The following PDE4B variants were observed in gnomAD, a reference collection of about 807,000 sequenced individuals.
PDE4B encodes the protein phosphodiesterase 4B.
A neutral mutation model predicts 82.2 loss-of-function variants in PDE4B; 20 were observed. The observed-to-expected ratio is 0.24, with a 90% CI of 0.17 to 0.35. PDE4B has a LOEUF of 0.35. Among genes scored for constraint, PDE4B ranks in the 10% least tolerant of loss-of-function variants. The pLI is 1.00. For synonymous variants in PDE4B, 320 were observed against 318.9 expected, an observed-to-expected ratio of 1.00 and a Z score of -0.04; for missense variants, 655 against 907.2, an observed-to-expected ratio of 0.72 and a Z score of 3.57.
Position 66,041,819 on chromosome 1 carries a change from C to CACACACAT in PDE4B, c.281+122991_281+122992insTACACACA, listed in dbSNP as rs1553136749. 9.6e-3 allele frequency among the ~76,000 whole-genome samples: 856 copies of CACACACAT among 88,932 alleles called. 9 individuals carry two copies. The highest frequency in any genetic ancestry group is 0.033 in the African/African-American group (802 of 24,026). 58.3% of individuals were successfully genotyped at this position (88,932 alleles called of 152,430 possible). On this transcript the variant is annotated intron_variant, in intron 3 of 16. Coordinates refer to ENST00000341517, the MANE Select transcript of PDE4B (RefSeq NM_002600.4). ...TGAAATACACACACACACACACACA[C>CACACACAT]ACACACACATACACACACACACACA...
chr1:65,813,055 G>C (rs964565416), intron 1 of PDE4B, among the ~76,000 whole-genome samples: 1 of 152,140 alleles, frequency 6.6e-6, no homozygotes, highest in Non-Finnish European at 1.5e-5. Context: ...ACGAGATTGG[G>C]AACAGGCAGA....
intron 3 of PDE4B, among the ~76,000 whole-genome samples, chr1:66,159,257 T>C (rs984735058): frequency 1.3e-5 from 2 of 152,020 alleles, no homozygotes; most frequent in African/African-American, 2.4e-5. Context: ...TTTTTTTTTT[T>C]TTTGAGAAAG....
intron 3 of PDE4B, among the ~76,000 whole-genome samples, chr1:66,036,437 A>C (rs1248896348): frequency 1.3e-5 from 2 of 152,156 alleles, no homozygotes; most frequent in Non-Finnish European, 2.9e-5. Flanking sequence ...ACTTTTTAGT[A>C]GTTTTACAGT....
chr1:65,841,365 A>AAAGGG (rs1466988629), intron 1 of PDE4B, among the ~76,000 whole-genome samples: 2 of 149,778 alleles, frequency 1.3e-5, no homozygotes, highest in African/African-American at 4.9e-5. Flanking sequence ...AAAGAGAGAG[A>AAAGGG]AAGGGAAAGG....
intron 3 of PDE4B, among the ~76,000 whole-genome samples, chr1:66,109,072 C>T (rs1424664175): frequency 6.6e-6 from 1 of 151,812 alleles, no homozygotes; most frequent in African/African-American, 2.4e-5. Flanking sequence ...TTTGAATATC[C>T]CTTGCTAATC....
chr1:66,035,222 T>G, intron 3 of PDE4B, among the ~76,000 whole-genome samples: 1 of 152,160 alleles, frequency 6.6e-6, no homozygotes, highest in East Asian at 1.9e-4. Context: ...TGTGTATATT[T>G]ATGGGGTATA....
intron 8 of PDE4B, among the ~76,000 whole-genome samples, chr1:66,335,855 C>G (rs1004040266): frequency 6.6e-6 from 1 of 152,182 alleles, no homozygotes; most frequent in African/African-American, 2.4e-5. Context: ...CAACAGATTG[C>G]CTTCTTAGAA....
At chr1:65,855,266 T>A (rs1646380026) in intron 1 of PDE4B, among the ~76,000 whole-genome samples, 1 of 152,098 alleles carries the variant, frequency 6.6e-6, no homozygotes, top group South Asian at 2.1e-4. Flanking sequence ...AATGATATTT[T>A]ATTAGATATT....
chr1:65,938,644 T>G (rs1305869288), intron 3 of PDE4B, among the ~76,000 whole-genome samples: 1 of 152,240 alleles, frequency 6.6e-6, no homozygotes, highest in Non-Finnish European at 1.5e-5. Flanking sequence ...CAGTGTCATA[T>G]GTAGCATGTA....
At chr1:65,965,449 G>A (rs1569838019) in intron 3 of PDE4B, among the ~76,000 whole-genome samples, 1 of 151,752 alleles carries the variant, frequency 6.6e-6, no homozygotes, top group African/African-American at 2.4e-5. Context: ...TTTATATGAA[G>A]CGATACACAT....
intron 3 of PDE4B, among the ~76,000 whole-genome samples, chr1:66,236,121 T>C (rs1025515067): frequency 7.2e-5 from 11 of 152,206 alleles, no homozygotes; most frequent in African/African-American, 1.9e-4. Flanking sequence ...TTCTTCTCTT[T>C]TTTGGATAGT....
At chr1:66,315,000 G>A (rs1346869638) in intron 7 of PDE4B, among the ~76,000 whole-genome samples, 2 of 152,158 alleles carry the variant, frequency 1.3e-5, no homozygotes, top group Admixed American at 6.5e-5. Flanking sequence ...CACATTCCTT[G>A]AGGACAATGA....
chr1:66,062,515 G>A (rs1003032067), intron 3 of PDE4B, among the ~76,000 whole-genome samples: 65 of 152,020 alleles, frequency 4.3e-4, no homozygotes, highest in African/African-American at 1.4e-3. Context: ...GAAGGAGAAG[G>A]ACATTTTGTT....
chr1:66,020,788 G>A (rs1192838693), intron 3 of PDE4B, among the ~76,000 whole-genome samples: 2 of 152,146 alleles, frequency 1.3e-5, no homozygotes, highest in Non-Finnish European at 2.9e-5. Context: ...GTGTGCATGT[G>A]TCTTTATAGC....
intron 3 of PDE4B, among the ~76,000 whole-genome samples, chr1:66,064,468 G>A (rs1464724754): frequency 6.6e-6 from 1 of 151,866 alleles, no homozygotes; most frequent in African/African-American, 2.4e-5. Context: ...AAAAAAGGAG[G>A]CAGTCCAGAG....
chr1:65,897,862 G>T (rs963256839), intron 1 of PDE4B, among the ~76,000 whole-genome samples: 2 of 152,124 alleles, frequency 1.3e-5, no homozygotes, highest in African/African-American at 4.8e-5. Context: ...TGATGGAATT[G>T]CTGGGTCAAA....
chr1:66,315,178 A>T (rs1197132099), intron 7 of PDE4B, among the ~76,000 whole-genome samples: 1 of 152,236 alleles, frequency 6.6e-6, no homozygotes, highest in Admixed American at 6.5e-5. Flanking sequence ...TATTTTGTTC[A>T]GGGTTGACTA....
chr1:65,814,851 A>AT (rs1253120789), intron 1 of PDE4B, among the ~76,000 whole-genome samples: 2 of 150,828 alleles, frequency 1.3e-5, no homozygotes, highest in East Asian at 1.9e-4. Flanking sequence ...CCAGCTACAA[A>AT]TTTTTTTTTG....
intron 3 of PDE4B, among the ~76,000 whole-genome samples, chr1:66,128,525 T>C (rs141349565): frequency 1.5e-4 from 23 of 152,356 alleles, no homozygotes; most frequent in South Asian, 2.1e-4. Context: ...AGAAACAGCC[T>C]GTTCTAATGA....
Sources: gnomAD v4.1 joint callset for allele counts (sites outside exome capture counted in the v4.1 genomes callset) on GRCh38, gnomAD v4.1.1 for gene constraint, MANE v1.5 for transcripts, NCBI Gene and HGNC (gene_info 2026-07-23, HGNC 2026-07-21) for gene names.